MAP7: variants seen among roughly 807,000 people sequenced by gnomAD.
MAP7 encodes the protein ensconsin.
In MAP7, 52 loss-of-function variants were observed where a neutral mutation model predicts 94.8. That is an observed-to-expected ratio of 0.55 (90% confidence interval 0.44 to 0.69). MAP7 has a LOEUF of 0.69. Ranked by LOEUF, MAP7 falls within the 30% of genes least tolerant of loss-of-function variation. MAP7 has a pLI of 0.00. For missense variants in MAP7, 940 were observed against 964.6 expected (o/e 0.97, Z 0.34); for synonymous variants, 350 against 357.0 (o/e 0.98, Z 0.22).
chr6:136,399,507 C>T (rs1783458214), intron 3 of MAP7, among the ~76,000 whole-genome samples: 1 of 151,858 alleles, frequency 6.6e-6, no homozygotes, highest in Admixed American at 6.6e-5. Flanking sequence ...CCATGTCTGG[C>T]TCGTTTTTTT....
intron 1 of MAP7, among the ~76,000 whole-genome samples, chr6:136,537,140 TCTTTC>T (rs1015145249): frequency 1.3e-5 from 2 of 149,496 alleles, no homozygotes; most frequent in African/African-American, 4.9e-5. Context: ...GGAAACTTTC[TCTTTC>T]TTTTTTTTTT....
chr6:136,393,561 C>T (rs1018391398), intron 3 of MAP7, among the ~76,000 whole-genome samples: 1 of 152,162 alleles, frequency 6.6e-6, no homozygotes, highest in Admixed American at 6.6e-5. Context: ...ACAGAAGTGC[C>T]ATCTCTTCCA....
Position 136,362,499 on chromosome 6 carries a change from G to A in MAP7, c.1477C>T (p.Gln493Ter). ...LAEKRRLARE[Q>*]REKEERERRE... is the part of the protein sequence containing the mutation. ...CTCTCCCTTTCTTCCTTTTCTCTCT[G>A]CTCTCGGGCCAGCCGCCTCTTCTCA... Residue 493 changes from glutamine (Q) to a stop codon, truncating the protein, a stop_gained, in exon 11 of 18, where the codon CAG becomes TAG. Coordinates refer to ENST00000354570, the MANE Select transcript of MAP7 (RefSeq NM_003980.6). LOFTEE classifies it high-confidence loss of function. 6.2e-7 allele frequency: 1 copy of A among 1,613,958 alleles called. No homozygotes were observed. Among genetic ancestry groups the A allele is most frequent in the Non-Finnish European group, 8.5e-7 (1 of 1,179,988 alleles).
intron 2 of MAP7, among the ~76,000 whole-genome samples, chr6:136,418,013 G>A (rs1045624086): frequency 1.3e-5 from 2 of 152,196 alleles, no homozygotes; most frequent in South Asian, 2.1e-4. Context: ...ATCATTTGAA[G>A]GCAGCTGGAG....
chr6:136,543,990 C>T lies in MAP7; in HGVS notation c.67+6352G>A, dbSNP rs72979515. On this transcript the variant is annotated intron_variant, in intron 1 of 17. Coordinates refer to ENST00000354570, the MANE Select transcript of MAP7 (RefSeq NM_003980.6). ...AGGCTGGAATGTGGTGCTACCATCT[C>T]GGCTCACTACACCCTCCGTCTCCCA... Among the ~76,000 whole-genome samples, 1,082 of 152,158 alleles carry T rather than the reference C, an allele frequency of 7.1e-3. 3 individuals are homozygous for T. Among genetic ancestry groups the T allele is most frequent in the Non-Finnish European group, 0.012 (789 of 67,994 alleles).
intron 1 of MAP7, among the ~76,000 whole-genome samples, chr6:136,523,236 A>G (rs545280336): frequency 6.6e-6 from 1 of 152,308 alleles, no homozygotes; most frequent in Non-Finnish European, 1.5e-5. Flanking sequence ...CTGCTCCTTG[A>G]TGTTCTCTTA....
intron 1 of MAP7, among the ~76,000 whole-genome samples, chr6:136,451,977 A>C (rs1188941611): frequency 6.6e-6 from 1 of 152,184 alleles, no homozygotes; most frequent in Non-Finnish European, 1.5e-5. Flanking sequence ...TGGGCAGATC[A>C]TGAGATCAGG....
chr6:136,461,026 T>C (rs1032059586), intron 1 of MAP7, among the ~76,000 whole-genome samples: 1 of 152,172 alleles, frequency 6.6e-6, no homozygotes, highest in Non-Finnish European at 1.5e-5. Context: ...TCTATACAGC[T>C]GACACAATTA....
intron 1 of MAP7, among the ~76,000 whole-genome samples, chr6:136,490,804 T>C (rs2128988609): frequency 6.6e-6 from 1 of 152,284 alleles, no homozygotes; most frequent in South Asian, 2.1e-4. Context: ...TATATTCCCA[T>C]CATCACTGCT....
At chr6:136,357,643 T>C (rs887710846) in intron 15 of MAP7, among the ~76,000 whole-genome samples, 2 of 152,040 alleles carry the variant, frequency 1.3e-5, no homozygotes. Context: ...CACAAGTACA[T>C]GCCAACATGC....
At chr6:136,468,110 C>G (rs1358982096) in intron 1 of MAP7, among the ~76,000 whole-genome samples, 1 of 152,146 alleles carries the variant, frequency 6.6e-6, no homozygotes, top group Admixed American at 6.5e-5. Flanking sequence ...CCACCACTCC[C>G]CACCCACTCC....
chr6:136,344,366 T>G (rs1349426544), intron 17 of MAP7, 128 bp from the exon 18 acceptor site: 10 of 373,584 alleles, frequency 2.7e-5, no homozygotes, highest in Non-Finnish European at 4.8e-5. Context: ...TATATAAGAA[T>G]AGGCAATTCT....
chr6:136,421,475 T>G (rs1346807518), intron 2 of MAP7, among the ~76,000 whole-genome samples: 1 of 152,184 alleles, frequency 6.6e-6, no homozygotes, highest in Non-Finnish European at 1.5e-5. Flanking sequence ...TGAATCTACA[T>G]TTTAAAGAGA....
At chr6:136,542,379 A>G (rs58976317) in intron 1 of MAP7, among the ~76,000 whole-genome samples, 5,245 of 152,334 alleles carry the variant, frequency 0.034, 301 homozygotes, top group African/African-American at 0.12. Flanking sequence ...GAAACGTCCA[A>G]TGACAGACTA....
intron 10 of MAP7, among the ~76,000 whole-genome samples, chr6:136,363,300 T>C (rs1271347022): frequency 6.6e-6 from 1 of 152,230 alleles, no homozygotes; most frequent in Admixed American, 6.5e-5. Context: ...AGAAGTTCTC[T>C]GGCCTTACTC....
chr6:136,362,724 G>A (rs1466955967), intron 10 of MAP7, 22 bp from the exon 11 acceptor site: 20 of 1,533,098 alleles, frequency 1.3e-5, no homozygotes, highest in Non-Finnish European at 1.7e-5. Flanking sequence ...GGTACAAGGA[G>A]AAAACCAGTT....
intron 1 of MAP7, among the ~76,000 whole-genome samples, chr6:136,463,430 T>C (rs1419386409): frequency 6.6e-6 from 1 of 152,198 alleles, no homozygotes; most frequent in Non-Finnish European, 1.5e-5. Flanking sequence ...TCCACATCAA[T>C]TTGACTTTAA....
intron 2 of MAP7, among the ~76,000 whole-genome samples, chr6:136,413,201 C>G (rs143564864): frequency 1.3e-5 from 2 of 151,466 alleles, no homozygotes; most frequent in African/African-American, 2.4e-5. Context: ...ATTTTTAGAA[C>G]CTTGCGTTAA....
At chr6:136,469,344 T>C (rs1808194860) in intron 1 of MAP7, among the ~76,000 whole-genome samples, 2 of 149,594 alleles carry the variant, frequency 1.3e-5, no homozygotes, top group Admixed American at 1.3e-4. Context: ...CCCTACTTTC[T>C]TTCTTGCTTG....
Sources: allele counts gnomAD v4.1 joint callset (sites outside exome capture counted in the v4.1 genomes callset), GRCh38; gene constraint gnomAD v4.1.1; transcripts MANE v1.5; gene names NCBI Gene and HGNC (gene_info 2026-07-23, HGNC 2026-07-21).